MDN1: variants seen among roughly 807,000 people sequenced by gnomAD.
The protein encoded by MDN1 is midasin AAA ATPase 1.
In MDN1, 266 loss-of-function variants were observed where a neutral mutation model predicts 669.2. The ratio of observed to expected loss-of-function variants is 0.40; its 90% CI spans 0.36 to 0.44. The LOEUF (loss-of-function observed/expected upper bound fraction) is 0.44, where lower values mean the gene tolerates loss of function less well. Among genes scored for constraint, MDN1 ranks in the 20% least tolerant of loss-of-function variants. MDN1 has a pLI of 1.00. For missense variants in MDN1, 5,940 were observed against 6,754.0 expected, an observed-to-expected ratio of 0.88 and a Z score of 4.22; for synonymous variants, 2,385 against 2,457.1, an observed-to-expected ratio of 0.97 and a Z score of 0.87.
chr6:89,676,107 C>T lies in MDN1; in HGVS notation c.12640G>A (p.Ala4214Thr), dbSNP rs116652817. Reference protein sequence around the residue: ...ARLNAALATPAKEMGMGNVER... With the variant: ...ARLNAALATPTKEMGMGNVER... ...CTCATGTTCTATCATTCTACCTTGGCAGGAGTTGCTAGTGCTGCGTTAAGC... is the reference window on the plus strand; with the variant it reads ...CTCATGTTCTATCATTCTACCTTGGTAGGAGTTGCTAGTGCTGCGTTAAGC... Residue 4214 changes from alanine (A) to threonine (T), a missense_variant, in exon 77 of 102, where the codon GCC becomes ACC. By Grantham distance (58) the Ala-to-Thr change is moderately conservative (BLOSUM62 0). Coordinates refer to ENST00000369393, the MANE Select transcript of MDN1 (RefSeq NM_014611.3). The T allele has an allele frequency of 9.4e-5, 152 of 1,614,004 alleles. No individual in the cohort carries two copies. In the East Asian group the frequency reaches 3.3e-3, roughly 35 times the overall value.
chr6:89,684,310 TC>T (rs1431740384), intron 71 of MDN1, among the ~76,000 whole-genome samples: 1 of 150,086 alleles, frequency 6.7e-6, no homozygotes, highest in African/African-American at 2.5e-5. Context: ...GCCACTGCAC[TC>T]CAGCCTAGGC....
chr6:89,671,215 A>G, intron 82 of MDN1, 135 bp from the exon 83 acceptor site: 2 of 936,308 alleles, frequency 2.1e-6, no homozygotes, highest in Non-Finnish European at 1.6e-6. Context: ...AGTTACATGT[A>G]TGTGTTTGTA....
At chr6:89,753,643 T>G in intron 21 of MDN1, 21 bp from the exon 22 acceptor site, 1 of 1,548,822 alleles carries the variant, frequency 6.5e-7, no homozygotes, top group Admixed American at 1.7e-5. Context: ...AAGACAAATA[T>G]GCATAATGCT....
chr6:89,710,156 T>C (rs1445688434), intron 50 of MDN1, among the ~76,000 whole-genome samples: 1 of 152,196 alleles, frequency 6.6e-6, no homozygotes, highest in African/African-American at 2.4e-5. Flanking sequence ...CTACTAACGA[T>C]ACTGGTAGAC....
intron 31 of MDN1, among the ~76,000 whole-genome samples, chr6:89,740,752 A>G (rs1351921094): frequency 6.6e-6 from 1 of 152,254 alleles, no homozygotes. Flanking sequence ...TATTCGGGAC[A>G]AAAAGGAACA....
At chr6:89,743,345 T>A in intron 30 of MDN1, 65 bp from the exon 31 acceptor site, 1 of 1,592,100 alleles carries the variant, frequency 6.3e-7, no homozygotes. Flanking sequence ...TACATGCAGC[T>A]GGCTGGTGTT....
rs551582648 is a variant in MDN1 at position 89,798,489 on chromosome 6, T to C, written c.330-3688A>G. Among the ~76,000 whole-genome samples, 230 of 150,044 alleles carry C rather than the reference T, an allele frequency of 1.5e-3. 1 individual carries two copies. Among genetic ancestry groups the C allele is most frequent in the African/African-American group, 5.4e-3 (221 of 40,836 alleles). ...TGCATTCCGGCCCGGGCAACAAGAG[T>C]GAAACTCCATCTCAAAAAAAAAAAA... is the stretch of plus-strand genomic sequence containing the variant. On this transcript the variant is annotated intron_variant, in intron 2 of 101. Transcript: ENST00000369393.
At chr6:89,753,651 G>A in intron 21 of MDN1, 29 bp from the exon 22 acceptor site, 1 of 1,517,056 alleles carries the variant, frequency 6.6e-7, no homozygotes, top group Non-Finnish European at 9.2e-7. Flanking sequence ...TATGCATAAT[G>A]CTAAATAACC....
intron 40 of MDN1, among the ~76,000 whole-genome samples, chr6:89,719,578 T>A (rs987908300): frequency 1.9e-4 from 29 of 152,186 alleles, no homozygotes; most frequent in African/African-American, 7.0e-4. Context: ...AAAAAGAGGA[T>A]AGAACAGTAA....
At chr6:89,785,787 G>A (rs1379687302) in intron 8 of MDN1, among the ~76,000 whole-genome samples, 2 of 152,168 alleles carry the variant, frequency 1.3e-5, no homozygotes, top group Non-Finnish European at 2.9e-5. Context: ...TTTCCACGAT[G>A]TCCCAGGTCT....
In MDN1 at chr6:89,675,556, C is replaced by T. The variant is rs1428079882; in HGVS notation, c.12669G>A (p.Glu4223=). Residue 4223 remains glutamate, a synonymous_variant, in exon 78 of 102, where the codon GAG becomes GAA. Transcript: ENST00000369393. ...AATGTGCTGAGAACCCTCTGCACCT[C>T]TCCACGTTGCCCATGCCCATTTCCT... ...PAKEMGMGNV[E]RCRGFSAHLM... 1 of 1,613,778 alleles carries T rather than the reference C, an allele frequency of 6.2e-7. No homozygotes were observed. Among genetic ancestry groups the T allele is most frequent in the East Asian group, 2.2e-5 (1 of 44,880 alleles).
In MDN1 at chr6:89,730,873, G is replaced by C. The variant is rs753826615; in HGVS notation, c.4993C>G (p.Leu1665Val). The C allele has an allele frequency of 1.7e-5, 27 of 1,613,900 alleles. No homozygotes were observed. In the Admixed American group the frequency reaches 3.8e-4, roughly 23 times the overall value. ...GTALLARKEC[L>V]KFLIKRLAKI... ...GCAAGCCTCTTGATTAGAAATTTCAGACATTCTTTTCGTGCCAAAAGGGCT... is the reference window on the plus strand; with the variant it reads ...GCAAGCCTCTTGATTAGAAATTTCACACATTCTTTTCGTGCCAAAAGGGCT... The change falls in exon 35 of 102, where the codon CTG (leucine) becomes GTG (valine). Residue 1665 changes from leucine to valine, a missense_variant. Physicochemically the swap from Leu to Val is conservative, Grantham distance 32 (BLOSUM62 1). Around this residue, in one of 5 missense-constraint regions of MDN1, gnomAD observed 2,292 missense variants for 2,638.3 expected, o/e 0.87. Coordinates refer to ENST00000369393, the MANE Select transcript of MDN1 (RefSeq NM_014611.3).
At chr6:89,650,361 C>A (rs552169773) in intron 96 of MDN1, among the ~76,000 whole-genome samples, 163 bp from the exon 97 acceptor site, 12 of 152,278 alleles carry the variant, frequency 7.9e-5, no homozygotes, top group Admixed American at 2.0e-4. Context: ...ATCTTCTTGA[C>A]CTCTAGCCAG....
chr6:89,765,676 T>C (rs1280387987), intron 15 of MDN1, among the ~76,000 whole-genome samples: 1 of 152,028 alleles, frequency 6.6e-6, no homozygotes, highest in African/African-American at 2.4e-5. Context: ...AGAAGCAGAG[T>C]AATGGTTAAG....
intron 9 of MDN1, among the ~76,000 whole-genome samples, chr6:89,783,595 T>C (rs1469467418): frequency 6.6e-6 from 1 of 152,228 alleles, no homozygotes. Context: ...TTAGTAGTTC[T>C]GCTTTTTGCC....
chr6:89,752,812 T>G (rs1395475612), intron 22 of MDN1, among the ~76,000 whole-genome samples: 2 of 151,890 alleles, frequency 1.3e-5, no homozygotes, highest in African/African-American at 4.8e-5. Flanking sequence ...TTCAGATAGG[T>G]TAAAAAGGAA....
At chr6:89,707,557 T>C (rs1813598155) in intron 51 of MDN1, 81 bp from the exon 52 acceptor site, 7 of 904,704 alleles carry the variant, frequency 7.7e-6, no homozygotes, top group Non-Finnish European at 1.3e-5. Flanking sequence ...GCTGGAACAC[T>C]TGGAACATCA....
rs112928258 is a variant in MDN1, at chr6:89,646,533, A to G, written c.16459+7T>C. On this transcript the variant is annotated splice_region_variant and intron_variant, in intron 100 of 101. Coordinates refer to ENST00000369393, the MANE Select transcript of MDN1 (RefSeq NM_014611.3). ...TTTGTTAATGAAGAGGAAGGCATGC[A>G]GCTCACCTGAACTGATGTTCTGCGA... 6.6e-4 allele frequency: 1,068 copies of G among 1,613,714 alleles called. 10 individuals carry two copies. The African/African-American group carries it at 0.012, about 19-fold the overall frequency.
At chr6:89,779,472 T>C (rs1818535174) in intron 11 of MDN1, among the ~76,000 whole-genome samples, 1 of 152,148 alleles carries the variant, frequency 6.6e-6, no homozygotes, top group Non-Finnish European at 1.5e-5. Flanking sequence ...CCATCCTGGA[T>C]TTATGGTGTC....
Sources: allele counts gnomAD v4.1 joint callset (sites outside exome capture counted in the v4.1 genomes callset), GRCh38; gene constraint gnomAD v4.1.1; regional missense constraint gnomAD v4.1.1; transcripts MANE v1.5; gene names NCBI Gene and HGNC (gene_info 2026-07-23, HGNC 2026-07-21).